The following NDST1 variants were observed in gnomAD, a reference collection of about 807,000 sequenced individuals.
NDST1 encodes bifunctional heparan sulfate N-deacetylase/N-sulfotransferase 1.
NDST1 carries 35 observed loss-of-function variants against 92.8 expected under a neutral mutation model. The ratio of observed to expected loss-of-function variants is 0.38; its 90% CI spans 0.29 to 0.50. The LOEUF is 0.50. NDST1 is among the 20% of genes least tolerant of loss of function. The probability of loss-of-function intolerance (pLI) is 0.94; values close to 1 mark genes in which losing one functional copy is unlikely to be tolerated. For missense variants in NDST1, 822 were observed against 1,182.7 expected, an observed-to-expected ratio of 0.69 and a Z score of 4.47; for synonymous variants, 493 against 500.3, an observed-to-expected ratio of 0.99 and a Z score of 0.19.
At chr5:150,520,545 T>C (rs1251933375) in intron 1 of NDST1, among the ~76,000 whole-genome samples, 1 of 152,212 alleles carries the variant, frequency 6.6e-6, no homozygotes, top group Non-Finnish European at 1.5e-5. Flanking sequence ...TGGCCTAGTC[T>C]TGGACTCTGA....
At chr5:150,502,692 T>C (rs967585739) in intron 1 of NDST1, among the ~76,000 whole-genome samples, 2 of 152,188 alleles carry the variant, frequency 1.3e-5, no homozygotes, top group Non-Finnish European at 2.9e-5. Context: ...TCTGCTTTTC[T>C]CTTCCTTTTG....
chr5:150,548,499 T>G, intron 12 of NDST1, 111 bp downstream of exon 12: 1 of 1,166,680 alleles, frequency 8.6e-7, no homozygotes, highest in Non-Finnish European at 1.2e-6. Context: ...ATGCCCTCCT[T>G]GGAGAGCTAG....
At chr5:150,552,599 C>T (rs143289055) in intron 14 of NDST1, 111 of 180,058 alleles carry the variant, frequency 6.2e-4, no homozygotes, top group African/African-American at 2.4e-3. Flanking sequence ...TCGATCTTCC[C>T]GCCTCAGCCT....
chr5:150,518,133 C>T (rs1466212825), intron 1 of NDST1, among the ~76,000 whole-genome samples: 1 of 152,160 alleles, frequency 6.6e-6, no homozygotes. Context: ...CACACATGCT[C>T]TTATCTCCAA....
At chr5:150,497,841 G>T (rs975461300), upstream of NDST1, 1 of 152,288 alleles carries the variant, frequency 6.6e-6, no homozygotes, top group Non-Finnish European at 1.5e-5. Context: ...CCATGCCCAC[G>T]CCTGTGGATG....
At chr5:150,541,911 C>T (rs1401727121) in intron 9 of NDST1, among the ~76,000 whole-genome samples, 3 of 152,128 alleles carry the variant, frequency 2.0e-5, no homozygotes, top group African/African-American at 7.2e-5. Flanking sequence ...CTGCATTATC[C>T]TGGGAGTCTC....
chr5:150,515,186 G>A (rs1753903077), intron 1 of NDST1, among the ~76,000 whole-genome samples: 1 of 152,202 alleles, frequency 6.6e-6, no homozygotes. Flanking sequence ...AGATGCTGAT[G>A]GTGTTAACTG....
In NDST1 at chr5:150,554,849, C is replaced by T. The variant is rs1427180682; in HGVS notation, c.*1517C>T. ...GGCTGATTTCTGGTTGGGGTCTGCTCCTACCCCACCCCATTTAACAATGTG... is the reference window on the plus strand; with the variant it reads ...GGCTGATTTCTGGTTGGGGTCTGCTTCTACCCCACCCCATTTAACAATGTG... On this transcript the variant is annotated 3_prime_UTR_variant, in exon 15 of 15. Transcript: ENST00000261797. 1 of 152,704 alleles carries T rather than the reference C, an allele frequency of 6.5e-6. No individual in the cohort carries two copies. The highest frequency in any genetic ancestry group is 6.5e-5 in the Admixed American group (1 of 15,278). The allele number at this position is 152,704 out of a possible 1,614,324, so 9.5% of individuals were successfully genotyped here. A position where few individuals can be genotyped will look rare whatever the true frequency, so the allele number is the denominator to read the frequency against.
At chr5:150,504,530 A>G (rs1463807493), upstream of NDST1, among the ~76,000 whole-genome samples, 1 of 151,984 alleles carries the variant, frequency 6.6e-6, no homozygotes, top group Non-Finnish European at 1.5e-5. Flanking sequence ...AGATGCACAC[A>G]CTATTTGATG....
chr5:150,525,736 C>T (rs939334477), intron 2 of NDST1, among the ~76,000 whole-genome samples: 10 of 152,154 alleles, frequency 6.6e-5, no homozygotes, highest in African/African-American at 2.4e-4. Context: ...CGGGCACAGG[C>T]TCAGCTGAGA....
chr5:150,535,087 T>A (rs1338008629), intron 5 of NDST1, 66 bp downstream of exon 5: 6 of 1,561,786 alleles, frequency 3.8e-6, no homozygotes, highest in Non-Finnish European at 5.2e-6. Flanking sequence ...TCCAGACTGC[T>A]GGCCTCTTGC....
At chr5:150,532,061 A>G (rs191519298) in intron 3 of NDST1, among the ~76,000 whole-genome samples, 131 of 152,274 alleles carry the variant, frequency 8.6e-4, no homozygotes, top group Admixed American at 2.8e-3. Context: ...AGCGGCAGTG[A>G]CCACAGACGT....
chr5:150,531,846 C>T (rs188328860), intron 3 of NDST1, among the ~76,000 whole-genome samples: 52 of 152,346 alleles, frequency 3.4e-4, no homozygotes, highest in African/African-American at 1.2e-3. Context: ...GTCCTAACCC[C>T]AGAGTACACC....
intron 1 of NDST1, among the ~76,000 whole-genome samples, chr5:150,509,615 C>T (rs1050055285): frequency 6.6e-6 from 1 of 152,146 alleles, no homozygotes; most frequent in African/African-American, 2.4e-5. Flanking sequence ...CAGGTTCAAG[C>T]GATTCTCCTG....
chr5:150,513,682 C>G (rs992435230), intron 1 of NDST1, among the ~76,000 whole-genome samples: 1 of 152,192 alleles, frequency 6.6e-6, no homozygotes, highest in East Asian at 1.9e-4. Context: ...TGCTCAGTCT[C>G]CATACCTGCT....
At chr5:150,514,560 C>CAAAAAAAAAAAAAAAAAAAAAAAAAAA (rs34675841) in intron 1 of NDST1, among the ~76,000 whole-genome samples, 1 of 55,090 alleles carries the variant, frequency 1.8e-5, no homozygotes. Flanking sequence ...GACTCCGTCT[C>CAAAAAAAAAAAAAAAAAAAAAAAAAAA]AAAAAAAAAA....
rs775849833 is a variant in NDST1 at position 150,540,130 on chromosome 5, G to A, written c.1615G>A (p.Gly539Ser). 6.2e-7 allele frequency: 1 copy of A among 1,614,154 alleles called. No homozygotes were observed. Among genetic ancestry groups the A allele is most frequent in the South Asian group, 1.1e-5 (1 of 91,078 alleles). ...GTCCAACTATGGGAATGACCGCCTG[G>A]GCCTGTACACCTTCAAGCACCTGGT... ...HLSNYGNDRLGLYTFKHLVRF... is the reference protein window; with the variant it reads ...HLSNYGNDRLSLYTFKHLVRF... Residue 539 changes from glycine (G) to serine (S), a missense_variant, in exon 8 of 15, where the codon GGC becomes AGC. By Grantham distance (56) the Gly-to-Ser change is moderately conservative (BLOSUM62 0). Transcript: ENST00000261797.
At position 150,549,762 on chromosome 5, in the gene NDST1, A is replaced by G; in HGVS notation, c.2401A>G (p.Thr801Ala). 1 of 1,611,794 alleles carries G rather than the reference A, an allele frequency of 6.2e-7. No individual in the cohort carries two copies. The highest frequency in any genetic ancestry group is 8.5e-7 in the Non-Finnish European group (1 of 1,177,898). ...GCAGAAGTTCCTTGGGGTGACCAAC[A>G]CCATTGACTACCACAAAACCTTGGC... ...MVQKFLGVTN[T>A]IDYHKTLAFD... Residue 801 changes from threonine (T) to alanine (A), a missense_variant, in exon 13 of 15, where the codon ACC (threonine) becomes GCC (alanine). By Grantham distance (58) the Thr-to-Ala change is moderately conservative. Coordinates refer to ENST00000261797, the MANE Select transcript of NDST1 (RefSeq NM_001543.5).
intron 9 of NDST1, 91 bp downstream of exon 9, chr5:150,541,757 C>A: frequency 8.3e-7 from 1 of 1,197,928 alleles, no homozygotes; most frequent in Non-Finnish European, 1.2e-6. Flanking sequence ...GCCCCACTCC[C>A]GGATAATTTG....
Sources: gnomAD v4.1 joint callset for allele counts (sites outside exome capture counted in the v4.1 genomes callset) on GRCh38, gnomAD v4.1.1 for gene constraint, MANE v1.5 for transcripts, NCBI Gene and HGNC (gene_info 2026-07-23, HGNC 2026-07-21) for gene names.